Variants in ANP32A observed in about 807,000 individuals in gnomAD.
ANP32A encodes acidic leucine-rich nuclear phosphoprotein 32 family member A.
ANP32A carries 1 observed loss-of-function variant against 33.9 expected under a neutral mutation model. That is an observed-to-expected ratio of 0.03 (90% CI 0.01 to 0.14). The LOEUF is 0.14. Among genes scored for constraint, ANP32A ranks in the 10% least tolerant of loss-of-function variants. The probability of loss-of-function intolerance (pLI) is 1.00; values close to 1 mark genes in which losing one functional copy is unlikely to be tolerated. For synonymous variants in ANP32A, 115 were observed against 120.5 expected, an observed-to-expected ratio of 0.95 and a Z score of 0.30; for missense variants, 155 against 306.0, an observed-to-expected ratio of 0.51 and a Z score of 3.68.
intron 1 of ANP32A, among the ~76,000 whole-genome samples, chr15:68,802,846 G>T (rs1425490565): frequency 6.6e-6 from 1 of 151,232 alleles, no homozygotes; most frequent in Non-Finnish European, 1.5e-5. Context: ...TAGAGACGGG[G>T]TTTCACCATG....
chr15:68,818,884 G>A (rs1388152460), intron 1 of ANP32A, among the ~76,000 whole-genome samples: 5 of 150,766 alleles, frequency 3.3e-5, no homozygotes, highest in African/African-American at 1.2e-4. Context: ...CGGCCGGGAC[G>A]AAAGCGGCCG....
At chr15:68,805,080 G>T (rs575503999) in intron 1 of ANP32A, among the ~76,000 whole-genome samples, 5 of 152,272 alleles carry the variant, frequency 3.3e-5, no homozygotes, top group African/African-American at 1.2e-4. Context: ...AATAAACCCT[G>T]GGGGCCCTGT....
chr15:68,813,868 GTT>G (rs34385351), intron 1 of ANP32A, among the ~76,000 whole-genome samples: 5 of 118,342 alleles, frequency 4.2e-5, no homozygotes, highest in African/African-American at 1.3e-4. Flanking sequence ...TTTCCAGGAA[GTT>G]TTTTTTTTTT....
chr15:68,781,850 C>G (rs1217097638), intron 5 of ANP32A, among the ~76,000 whole-genome samples: 2 of 152,166 alleles, frequency 1.3e-5, no homozygotes, highest in African/African-American at 2.4e-5. Context: ...GTGATCCGCC[C>G]GCCTCGGCCT....
At position 68,780,844 on chromosome 15, in the gene ANP32A, T is replaced by C. The variant is rs1418382374; in HGVS notation, c.625-371A>G. ...GAGGAGAACAAGTTCCCGAGCAGAC[T>C]CCCTGACGTGCAAAGTAGGCCATCC... is the stretch of plus-strand genomic sequence containing the variant. On this transcript the variant is annotated intron_variant, in intron 5 of 6. Coordinates refer to ENST00000465139, the MANE Select transcript of ANP32A (RefSeq NM_006305.4). This position sits in a 1 kb window ranked among gnomAD's most constrained non-coding sequence, Gnocchi z 4.3. The C allele has an allele frequency of 5.6e-6, 1 of 179,336 alleles. No homozygotes were observed. The highest frequency in any genetic ancestry group is 1.2e-5 in the Non-Finnish European group (1 of 84,806). 11.1% of individuals were successfully genotyped at this position (179,336 alleles called of 1,614,324 possible).
chr15:68,796,236 C>A (rs1162750643), intron 1 of ANP32A, among the ~76,000 whole-genome samples: 1 of 152,208 alleles, frequency 6.6e-6, no homozygotes, highest in East Asian at 1.9e-4. Flanking sequence ...CGCCCACCAC[C>A]ACGTCTGGCT....
Position 68,780,049 on chromosome 15 carries a change from C to T in ANP32A, c.*32G>A, listed in dbSNP as rs761181083. 4 of 1,604,790 alleles carry T rather than the reference C, an allele frequency of 2.5e-6. No homozygotes were observed. The highest frequency in any genetic ancestry group is 1.7e-6 in the Non-Finnish European group (2 of 1,172,810). On this transcript the variant is annotated 3_prime_UTR_variant, in exon 7 of 7. Transcript: ENST00000465139. The surrounding 1 kb of genome is among the most constrained non-coding windows in gnomAD (Gnocchi z 4.3). The stretch of plus-strand genomic sequence containing the variant: ...GATATGGGTAAAAACAGTCAAATCA[C>T]AATAGGAATTTTTCAAAATAGGTTA...
chr15:68,787,215 T>C (rs1893943928), intron 3 of ANP32A, 198 bp downstream of exon 3: 2 of 688,578 alleles, frequency 2.9e-6, no homozygotes. Flanking sequence ...TCTGTGACCT[T>C]GGTCAAGGTA....
chr15:68,816,430 T>TGGGGACTAAATTAGTTGATA (rs1301024913), intron 1 of ANP32A, among the ~76,000 whole-genome samples: 2 of 152,160 alleles, frequency 1.3e-5, no homozygotes, highest in Non-Finnish European at 2.9e-5. Flanking sequence ...AGTGCTGTTG[T>TGGGGACTAAATTAGTTGATA]GGGGACTAAA....
intron 1 of ANP32A, among the ~76,000 whole-genome samples, chr15:68,798,626 A>T (rs974702023): frequency 6.6e-6 from 1 of 152,200 alleles, no homozygotes; most frequent in African/African-American, 2.4e-5. Flanking sequence ...ACACCCTCAA[A>T]GTCACAGGAC....
chr15:68,783,953 C>T (rs1428064702), intron 4 of ANP32A, among the ~76,000 whole-genome samples: 1 of 152,118 alleles, frequency 6.6e-6, no homozygotes, highest in African/African-American at 2.4e-5. Context: ...GTCCTCAGGC[C>T]ACACACTCTT....
chr15:68,801,145 G>T (rs1317453164), intron 1 of ANP32A, among the ~76,000 whole-genome samples: 1 of 149,364 alleles, frequency 6.7e-6, no homozygotes, highest in African/African-American at 2.5e-5. Context: ...TAGACCACAG[G>T]AAAGTAGTTA....
intron 3 of ANP32A, among the ~76,000 whole-genome samples, 194 bp from the exon 4 acceptor site, chr15:68,784,789 G>A (rs945302755): frequency 3.9e-5 from 6 of 152,124 alleles, no homozygotes; most frequent in Non-Finnish European, 8.8e-5. Flanking sequence ...TGTGGGCCTC[G>A]GCGTCTCCAT....
intron 3 of ANP32A, 107 bp from the exon 4 acceptor site, chr15:68,784,702 T>C (rs1893911012): frequency 2.4e-6 from 3 of 1,275,968 alleles, no homozygotes; most frequent in African/African-American, 1.5e-5. Context: ...GCGCAGACCA[T>C]GACTTCCAGG....
intron 1 of ANP32A, among the ~76,000 whole-genome samples, chr15:68,810,895 A>G (rs1016899466): frequency 2.0e-5 from 3 of 151,972 alleles, no homozygotes; most frequent in Non-Finnish European, 4.4e-5. Context: ...CCCCTTCTCT[A>G]CTAAAAATAA....
At chr15:68,785,832 A>G (rs1405216749) in intron 3 of ANP32A, among the ~76,000 whole-genome samples, 1 of 152,188 alleles carries the variant, frequency 6.6e-6, no homozygotes, top group Non-Finnish European at 1.5e-5. Context: ...CTCAATCCCC[A>G]TACCTCACCC....
intron 1 of ANP32A, among the ~76,000 whole-genome samples, chr15:68,795,787 T>TA (rs1894056247): frequency 6.6e-6 from 1 of 152,162 alleles, no homozygotes; most frequent in African/African-American, 2.4e-5. Flanking sequence ...TCCTCCCCCT[T>TA]AAACCTCCTT....
intron 1 of ANP32A, among the ~76,000 whole-genome samples, chr15:68,800,511 G>A (rs1894116745): frequency 1.3e-5 from 2 of 151,406 alleles, no homozygotes; most frequent in Non-Finnish European, 1.5e-5. Context: ...TTGGGAGGCC[G>A]AGGCTGGCGG....
chr15:68,783,757 ACAC>A (rs1212665925), intron 4 of ANP32A, among the ~76,000 whole-genome samples: 1 of 152,124 alleles, frequency 6.6e-6, no homozygotes, highest in East Asian at 1.9e-4. Flanking sequence ...CCTCGACTAC[ACAC>A]CACACTGCCA....
Sources: gnomAD v4.1 joint callset for allele counts (sites outside exome capture counted in the v4.1 genomes callset) on GRCh38, gnomAD v4.1.1 for gene constraint, Gnocchi (gnomAD v3.1) non-coding constraint, MANE v1.5 for transcripts, NCBI Gene and HGNC (gene_info 2026-07-23, HGNC 2026-07-21) for gene names.